Variants in EPOR observed in about 807,000 individuals in gnomAD.
EPOR encodes the protein erythropoietin receptor.
In EPOR, 20 loss-of-function variants were observed where a neutral mutation model predicts 34.3. That is an observed-to-expected ratio of 0.58 (90% CI 0.41 to 0.85). The LOEUF is 0.85. Ranked by LOEUF, EPOR falls within the 40% of genes least tolerant of loss-of-function variation. The pLI is 0.00. For synonymous variants in EPOR, 312 were observed against 299.0 expected (o/e 1.04, Z -0.45); for missense variants, 601 against 672.7 (o/e 0.89, Z 1.18).
rs1484492036 is a variant in EPOR at position 11,381,115 on chromosome 19, G to C, written c.680C>G (p.Pro227Arg). ...TFAVRARMAE[P>R]SFGGFWSAWS... is the part of the protein sequence containing the mutation. The stretch of plus-strand genomic sequence containing the variant: ...GGCGCTCCAGAAGCCGCCGAAGCTC[G>C]GCTCAGCCATACGCGCGCGGACGGC... The change falls in exon 5 of 8, where the codon CCG (proline) becomes CGG (arginine). Residue 227 changes from proline (P) to arginine (R), a missense_variant. Coordinates refer to ENST00000222139, the MANE Select transcript of EPOR (RefSeq NM_000121.4). This position sits in a 1 kb window ranked among gnomAD's most constrained non-coding sequence, Gnocchi z 5.3. 2 of 1,588,814 alleles carry C rather than the reference G, an allele frequency of 1.3e-6. No individual in the cohort carries two copies. Among genetic ancestry groups the C allele is most frequent in the Non-Finnish European group, 1.7e-6 (2 of 1,167,628 alleles).
At chr19:11,379,614 A>C (rs2144695720) in intron 6 of EPOR, among the ~76,000 whole-genome samples, 2 of 151,114 alleles carry the variant, frequency 1.3e-5, no homozygotes, top group South Asian at 4.2e-4. Context: ...ACCACCCTGC[A>C]GAAGGCCCTG....
At chr19:11,382,813 A>G (rs1422688830) in intron 2 of EPOR, 1 of 1,413,292 alleles carries the variant, frequency 7.1e-7, no homozygotes, top group Admixed American at 2.2e-5. Context: ...CTACCTCGAG[A>G]AGGCGTCCCA....
Position 11,381,228 on chromosome 19 carries a change from C to A in EPOR, c.586-19G>T, listed in dbSNP as rs533755786. On this transcript the variant is annotated intron_variant, in intron 4 of 7. Transcript: ENST00000222139. The surrounding 1 kb of genome is among the most constrained non-coding windows in gnomAD (Gnocchi z 5.3). ...TCTCCACCTGGGGGCGGAATCAGGG[C>A]GAGGGACGCGTAGCAGACAAAAATA... 4 of 1,548,674 alleles carry A rather than the reference C, an allele frequency of 2.6e-6. No individual in the cohort carries two copies. Among genetic ancestry groups the A allele is most frequent in the East Asian group, 4.9e-5 (2 of 40,916 alleles).
chr19:11,378,100 C>T lies in EPOR; in HGVS notation c.1411G>A (p.Gly471Arg), dbSNP rs1206022201. Residue 471 changes from glycine (G) to arginine (R), a missense_variant, in exon 8 of 8, where the codon GGG (glycine) becomes AGG (arginine). Transcript: ENST00000222139. The surrounding 1 kb of genome is among the most constrained non-coding windows in gnomAD (Gnocchi z 5.3). The part of the protein sequence containing the change: ...DSGISTDYSS[G>R]DSQGAQGGLS... Reference sequence around the variant, plus strand: ...CCCCCTTGGGCTCCCTGGGAGTCCCCTGAGCTGTAGTCAGTTGAGATGCCA... The same window carrying T: ...CCCCCTTGGGCTCCCTGGGAGTCCCTTGAGCTGTAGTCAGTTGAGATGCCA... The T allele has an allele frequency of 6.2e-7, 1 of 1,614,078 alleles. No individual in the cohort carries two copies. The highest frequency in any genetic ancestry group is 1.1e-5 in the South Asian group (1 of 91,082).
In EPOR at chr19:11,381,837, G is replaced by A. The variant is rs1160930591; in HGVS notation, c.440C>T (p.Ala147Val). ...CAACCGCGCCACCAGCCCCACGGGG[G>A]CGTCTAGGAGCACTGCAGGCATGGG... ...IHINEVVLLD[A>V]PVGLVARLAD... Residue 147 changes from alanine to valine, a missense_variant, in exon 4 of 8, where the codon GCC (alanine) becomes GTC (valine). By Grantham distance (64) the Ala-to-Val change is moderately conservative (BLOSUM62 0). Coordinates refer to ENST00000222139, the MANE Select transcript of EPOR (RefSeq NM_000121.4). The surrounding 1 kb of genome is among the most constrained non-coding windows in gnomAD (Gnocchi z 5.3). The A allele has an allele frequency of 6.2e-7, 1 of 1,614,082 alleles. No homozygotes were observed.
In EPOR at chr19:11,377,490, G is replaced by A; in HGVS notation, c.*494C>T. 4.4e-6 allele frequency: 2 copies of A among 454,196 alleles called. No individual in the cohort carries two copies. The highest frequency in any genetic ancestry group is 3.1e-5 in the South Asian group (2 of 64,480). 28.1% of individuals were successfully genotyped at this position (454,196 alleles called of 1,614,324 possible). On this transcript the variant is annotated 3_prime_UTR_variant, in exon 8 of 8. Coordinates refer to ENST00000222139, the MANE Select transcript of EPOR (RefSeq NM_000121.4). ...GATCCATCTAAGTACCCTAAGAGAA[G>A]GTAGAGCTACAGACTGGAAGAGTCT...
chr19:11,377,658 T>G lies in EPOR; in HGVS notation c.*326A>C, dbSNP rs1220606502. The G allele has an allele frequency of 3.8e-6, 2 of 523,542 alleles. No individual in the cohort carries two copies. The highest frequency in any genetic ancestry group is 7.3e-6 in the Non-Finnish European group (2 of 274,148). The allele number at this position is 523,542 out of a possible 1,614,324, so 32.4% of individuals were successfully genotyped here. ...TTATGAGTAGCATTCAGATTGCAGA[T>G]CCAGCTTCTGAATAAGCTCAAGAAC... On this transcript the variant is annotated 3_prime_UTR_variant, in exon 8 of 8. Transcript: ENST00000222139.
chr19:11,382,361 C>CTTTT (rs869111819), intron 2 of EPOR, among the ~76,000 whole-genome samples: 1 of 124,892 alleles, frequency 8.0e-6, no homozygotes, highest in Non-Finnish European at 1.7e-5. Context: ...CCACGCCTGG[C>CTTTT]TTTTTTTTTT....
Position 11,381,658 on chromosome 19 carries a change from G to A in EPOR, c.585+34C>T. 6.3e-7 allele frequency: 1 copy of A among 1,575,538 alleles called. No individual in the cohort carries two copies. The highest frequency in any genetic ancestry group is 1.2e-5 in the South Asian group (1 of 86,912). On this transcript the variant is annotated intron_variant, in intron 4 of 7. Coordinates refer to ENST00000222139, the MANE Select transcript of EPOR (RefSeq NM_000121.4). This position sits in a 1 kb window ranked among gnomAD's most constrained non-coding sequence, Gnocchi z 5.3. ...GCGTGGCTGGGCCGTAGTCAGTGGA[G>A]CTTTGGGGGCTGGGCCGTAGGGGCT...
chr19:11,378,237 T>C lies in EPOR; in HGVS notation c.1274A>G (p.Glu425Gly). Residue 425 changes from glutamate to glycine, a missense_variant, in exon 8 of 8, where the codon GAG becomes GGG. Glu to Gly is a moderately conservative substitution (Grantham distance 98). Transcript: ENST00000222139. The surrounding 1 kb of genome is among the most constrained non-coding windows in gnomAD (Gnocchi z 5.3). Reference protein sequence around the residue: ...SPEGASAASFEYTILDPSSQL... With the variant: ...SPEGASAASFGYTILDPSSQL... ...GGAGCTGGGGTCCAGGATAGTGTAC[T>C]CAAAGCTGGCAGCAGAGGCTCCCTC... 1 of 1,614,096 alleles carries C rather than the reference T, an allele frequency of 6.2e-7. No individual in the cohort carries two copies. The highest frequency in any genetic ancestry group is 1.3e-5 in the African/African-American group (1 of 75,002).
rs775746449 is a variant in EPOR, at chr19:11,377,966, C to G, written c.*18G>C. The G allele has an allele frequency of 6.2e-6, 10 of 1,613,666 alleles. No homozygotes were observed. Among genetic ancestry groups the G allele is most frequent in the Non-Finnish European group, 8.5e-6 (10 of 1,179,998 alleles). On this transcript the variant is annotated 3_prime_UTR_variant, in exon 8 of 8. Coordinates refer to ENST00000222139, the MANE Select transcript of EPOR (RefSeq NM_000121.4). ...CTCTGAGTCATATTGGATCCCTGAT[C>G]ATCTGCAGCCTGGTGTCCTAAGAGC...
chr19:11,382,845 A>G (rs1968381288), intron 2 of EPOR: 1 of 1,487,884 alleles, frequency 6.7e-7, no homozygotes, highest in Non-Finnish European at 9.0e-7. Context: ...GTAACGCCTT[A>G]CCCTCGATTT....
Position 11,378,220 on chromosome 19 carries a change from G to C in EPOR, c.1291C>G (p.Pro431Ala), listed in dbSNP as rs767592247. 6.2e-7 allele frequency: 1 copy of C among 1,614,128 alleles called. No homozygotes were observed. Among genetic ancestry groups the C allele is most frequent in the Non-Finnish European group, 8.5e-7 (1 of 1,180,032 alleles). ...CATGGACGCAAGAGCTGGGAGCTGG[G>C]GTCCAGGATAGTGTACTCAAAGCTG... Reference protein sequence around the residue: ...AASFEYTILDPSSQLLRPWTL... With the variant: ...AASFEYTILDASSQLLRPWTL... Residue 431 changes from proline to alanine, a missense_variant, in exon 8 of 8, where the codon CCC becomes GCC. Pro to Ala is a conservative substitution (Grantham distance 27, BLOSUM62 -1). Transcript: ENST00000222139. This position sits in a 1 kb window ranked among gnomAD's most constrained non-coding sequence, Gnocchi z 5.3.
chr19:11,381,358 G>T lies in EPOR; in HGVS notation c.586-149C>A, dbSNP rs934018502. The T allele has an allele frequency of 9.2e-6, 8 of 872,414 alleles. No individual in the cohort carries two copies. The African/African-American group carries it at 1.2e-4, about 13-fold the overall frequency. 54.0% of individuals were successfully genotyped at this position (872,414 alleles called of 1,614,324 possible). A position where few individuals can be genotyped will look rare whatever the true frequency, so the allele number is the denominator to read the frequency against. On this transcript the variant is annotated intron_variant, in intron 4 of 7. Transcript: ENST00000222139. This position sits in a 1 kb window ranked among gnomAD's most constrained non-coding sequence, Gnocchi z 5.3. ...AATAAGAGTAGGGGGAGGAGCCCAAGAAAGCTCAGGGCCAATCAGAGAGAG... is the reference window on the plus strand; with the variant it reads ...AATAAGAGTAGGGGGAGGAGCCCAATAAAGCTCAGGGCCAATCAGAGAGAG...
At chr19:11,380,861 C>T in intron 6 of EPOR, 23 bp downstream of exon 6, 1 of 1,539,350 alleles carries the variant, frequency 6.5e-7, no homozygotes, top group Middle Eastern at 1.7e-4. Context: ...AGTCTGGGCC[C>T]AGCGCCCAAA....
rs908708855 is a variant in EPOR, at chr19:11,383,894, G to T, written c.115+199C>A. On this transcript the variant is annotated intron_variant, in intron 1 of 7. Transcript: ENST00000222139. This position sits in a 1 kb window ranked among gnomAD's most constrained non-coding sequence, Gnocchi z 4.9. ...GCTCTTGCCCGGGACGCGATCAGGA[G>T]TCTTGGATCCTAACATACCCCACCC... is the stretch of plus-strand genomic sequence containing the variant. 2.9e-4 allele frequency among the ~76,000 whole-genome samples: 44 copies of T among 152,014 alleles called. 1 individual carries two copies. Among genetic ancestry groups the T allele is most frequent in the Admixed American group, 2.7e-3 (41 of 15,266 alleles).
rs187931104 is a variant in EPOR, at chr19:11,378,137, C to A, written c.1374G>T (p.Val458=). 4.3e-6 allele frequency: 7 copies of A among 1,614,042 alleles called. No homozygotes were observed. The highest frequency in any genetic ancestry group is 1.6e-4 in the Middle Eastern group (1 of 6,062). ...TPPHLKYLYL[V]VSDSGISTDY... is the part of the protein sequence containing the mutation. Reference sequence around the variant, plus strand: ...CAGTTGAGATGCCAGAGTCAGATACCACAAGGTACAGGTACTTTAGGTGGG... The same window carrying A: ...CAGTTGAGATGCCAGAGTCAGATACAACAAGGTACAGGTACTTTAGGTGGG... Residue 458 remains valine, a synonymous_variant, in exon 8 of 8, where the codon GTG becomes GTT. Coordinates refer to ENST00000222139, the MANE Select transcript of EPOR (RefSeq NM_000121.4). This position sits in a 1 kb window ranked among gnomAD's most constrained non-coding sequence, Gnocchi z 5.3.
Position 11,381,263 on chromosome 19 carries a change from G to A in EPOR, c.586-54C>T, listed in dbSNP as rs1968353810. On this transcript the variant is annotated intron_variant, in intron 4 of 7. Transcript: ENST00000222139. This position sits in a 1 kb window ranked among gnomAD's most constrained non-coding sequence, Gnocchi z 5.3. The stretch of plus-strand genomic sequence containing the variant: ...GTAGCAGACAAAAATAGATGACGTG[G>A]GGGCGGGCCCTGGTGGAACTGAGCC... 3.9e-6 allele frequency: 6 copies of A among 1,541,150 alleles called. No individual in the cohort carries two copies. Among genetic ancestry groups the A allele is most frequent in the Non-Finnish European group, 5.3e-6 (6 of 1,140,770 alleles).
chr19:11,379,921 G>A lies in EPOR; in HGVS notation c.827+963C>T, dbSNP rs546347507. Among the ~76,000 whole-genome samples, 52 of 152,214 alleles carry A rather than the reference G, an allele frequency of 3.4e-4. No homozygotes were observed. The East Asian group carries it at 9.7e-3, about 28-fold the overall frequency. On this transcript the variant is annotated intron_variant, in intron 6 of 7. Transcript: ENST00000222139. Reference sequence around the variant, plus strand: ...TCTCCATGTTGGTCAGGCTGGTCGCGAACTCCCAACCTCAGGTGATCTGCC... The same window carrying A: ...TCTCCATGTTGGTCAGGCTGGTCGCAAACTCCCAACCTCAGGTGATCTGCC...
Sources: allele counts gnomAD v4.1 joint callset (sites outside exome capture counted in the v4.1 genomes callset), GRCh38; gene constraint gnomAD v4.1.1; non-coding constraint Gnocchi (gnomAD v3.1); transcripts MANE v1.5; gene names NCBI Gene and HGNC (gene_info 2026-07-23, HGNC 2026-07-21).